The following ATP6V1H variants were observed in gnomAD, a reference collection of about 807,000 sequenced individuals.
ATP6V1H encodes the protein ATPase H+ transporting V1 subunit H, also known as V-type proton ATPase subunit H.
A neutral mutation model predicts 71.7 loss-of-function variants in ATP6V1H; 39 were observed. The ratio of observed to expected loss-of-function variants is 0.54; its 90% CI spans 0.42 to 0.71. ATP6V1H has a LOEUF of 0.71. Ranked by LOEUF, ATP6V1H falls within the 30% of genes least tolerant of loss-of-function variation. ATP6V1H has a pLI of 0.00. For synonymous variants in ATP6V1H, 192 were observed against 199.3 expected, an observed-to-expected ratio of 0.96 and a Z score of 0.31; for missense variants, 509 against 594.9, an observed-to-expected ratio of 0.86 and a Z score of 1.50.
In ATP6V1H at chr8:53,743,602, C is replaced by T. The variant is rs767664929; in HGVS notation, c.1366G>A (p.Val456Met). 6 of 1,613,814 alleles carry T rather than the reference C, an allele frequency of 3.7e-6. No individual in the cohort carries two copies. Among genetic ancestry groups the T allele is most frequent in the Non-Finnish European group, 5.1e-6 (6 of 1,179,856 alleles). The change falls in exon 13 of 14, where the codon GTG (valine) becomes ATG (methionine). Residue 456 changes from valine to methionine, a missense_variant. Coordinates refer to ENST00000359530, the MANE Select transcript of ATP6V1H (RefSeq NM_015941.4). ...QQVRYNALLA[V>M]QKLMVHNWEY... ...CAGTTGTGCACCATGAGCTTCTGCA[C>T]GGCCAGCAGAGCATTATAGCGGACC...
chr8:53,833,886 G>A (rs1435904185), intron 2 of ATP6V1H, among the ~76,000 whole-genome samples: 1 of 151,920 alleles, frequency 6.6e-6, no homozygotes, highest in Non-Finnish European at 1.5e-5. Context: ...ATATCCCACT[G>A]TCACTTTCCC....
At chr8:53,725,160 T>G (rs1806769131) in intron 13 of ATP6V1H, among the ~76,000 whole-genome samples, 1 of 152,186 alleles carries the variant, frequency 6.6e-6, no homozygotes, top group South Asian at 2.1e-4. Flanking sequence ...AGCTCTGCCC[T>G]CATGATCGGA....
intron 7 of ATP6V1H, among the ~76,000 whole-genome samples, chr8:53,810,228 C>A (rs1167157117): frequency 6.6e-6 from 1 of 152,162 alleles, no homozygotes; most frequent in Non-Finnish European, 1.5e-5. Flanking sequence ...TTTCTGTCTC[C>A]GTTTTCCCTA....
chr8:53,838,127 C>CTTTTTTTTTTT (rs11388813), intron 2 of ATP6V1H, among the ~76,000 whole-genome samples: 1 of 146,326 alleles, frequency 6.8e-6, no homozygotes, highest in Non-Finnish European at 1.5e-5. Flanking sequence ...CTGTTACTGT[C>CTTTTTTTTTTT]TTTTTTTTTT....
chr8:53,728,894 GTA>G (rs1806915383), intron 13 of ATP6V1H, among the ~76,000 whole-genome samples: 1 of 152,208 alleles, frequency 6.6e-6, no homozygotes, highest in Non-Finnish European at 1.5e-5. Flanking sequence ...GTCATTTTCT[GTA>G]CTTGTTGGTC....
Position 53,817,489 on chromosome 8 carries a change from T to A in ATP6V1H, c.348A>T (p.Arg116Ser). Residue 116 changes from arginine (R) to serine (S), a missense_variant, in exon 5 of 14, where the codon AGA (arginine) becomes AGT (serine). This residue lies in a region of ATP6V1H where 297 missense variants were observed against 303.3 expected (regional missense o/e 0.98). Transcript: ENST00000359530. ...AGGGCCACGCAGTGTTCTTGCTACA[T>A]CTTGCATAGTCAAAGAAAATGCTAA... The part of the protein sequence containing the change: ...QRVSIFFDYA[R>S]CSKNTAWPYF... 1.2e-6 allele frequency: 2 copies of A among 1,613,666 alleles called. No individual in the cohort carries two copies. Among genetic ancestry groups the A allele is most frequent in the South Asian group, 2.2e-5 (2 of 91,034 alleles).
At chr8:53,753,336 A>C (rs1001352158) in intron 12 of ATP6V1H, among the ~76,000 whole-genome samples, 3 of 152,228 alleles carry the variant, frequency 2.0e-5, no homozygotes, top group African/African-American at 7.2e-5. Context: ...CGGAGGATCG[A>C]CTGCAGCAGA....
intron 2 of ATP6V1H, among the ~76,000 whole-genome samples, chr8:53,834,478 T>G (rs1391590017): frequency 6.6e-6 from 1 of 152,204 alleles, no homozygotes; most frequent in Non-Finnish European, 1.5e-5. Context: ...CAGGCTGGAG[T>G]GCAGTGGCAC....
intron 7 of ATP6V1H, among the ~76,000 whole-genome samples, chr8:53,810,271 C>A: frequency 6.6e-6 from 1 of 152,216 alleles, no homozygotes; most frequent in East Asian, 1.9e-4. Context: ...TCATGAACAT[C>A]GTTAACTTGT....
intron 13 of ATP6V1H, among the ~76,000 whole-genome samples, chr8:53,738,356 A>G (rs1807302185): frequency 6.6e-6 from 1 of 152,126 alleles, no homozygotes; most frequent in Non-Finnish European, 1.5e-5. Context: ...GAAATGAAAT[A>G]TGCCAAGGGA....
At chr8:53,728,970 A>G (rs1391613478) in intron 13 of ATP6V1H, among the ~76,000 whole-genome samples, 1 of 152,224 alleles carries the variant, frequency 6.6e-6, no homozygotes. Flanking sequence ...CTAGAACAGG[A>G]CTGGACACAA....
chr8:53,725,252 G>A (rs1296120967), intron 13 of ATP6V1H, among the ~76,000 whole-genome samples: 1 of 152,048 alleles, frequency 6.6e-6, no homozygotes, highest in African/African-American at 2.4e-5. Context: ...AGAGAGACCT[G>A]AGCTAGCATG....
chr8:53,754,110 T>C (rs531332252), intron 12 of ATP6V1H, among the ~76,000 whole-genome samples: 1 of 152,164 alleles, frequency 6.6e-6, no homozygotes. Flanking sequence ...CATATGGCAG[T>C]AAGCACATCT....
At chr8:53,754,826 A>G (rs1807940797) in intron 12 of ATP6V1H, among the ~76,000 whole-genome samples, 1 of 152,164 alleles carries the variant, frequency 6.6e-6, no homozygotes, top group South Asian at 2.1e-4. Flanking sequence ...AAACCTTAGG[A>G]GTCTGAGTTC....
At chr8:53,801,758 C>T (rs374719193) in intron 8 of ATP6V1H, 41 bp downstream of exon 8, 2 of 1,462,404 alleles carry the variant, frequency 1.4e-6, no homozygotes, top group African/African-American at 1.4e-5. Flanking sequence ...AGGAGAGATG[C>T]TTGTAAATGT....
At position 53,833,015 on chromosome 8, in the gene ATP6V1H, T is replaced by C; in HGVS notation, c.185A>G (p.Lys62Arg). ...RFEMKRSPEE[K>R]QEMLQTEGSQ... ...GCCTTCAGTTTGAAGCATCTCTTGC[T>C]TCTCTTCAGGGCTTCGTTTCATTTC... The change falls in exon 3 of 14, where the codon AAG becomes AGG. Residue 62 changes from lysine to arginine, a missense_variant. Coordinates refer to ENST00000359530, the MANE Select transcript of ATP6V1H (RefSeq NM_015941.4). The C allele has an allele frequency of 6.2e-7, 1 of 1,613,824 alleles. No homozygotes were observed.
rs114225302 is a variant in ATP6V1H, at chr8:53,727,509, C to T, written c.1392-11485G>A. 2.8e-3 allele frequency among the ~76,000 whole-genome samples: 430 copies of T among 152,270 alleles called. 4 individuals carry two copies. The highest frequency in any genetic ancestry group is 8.1e-3 in the African/African-American group (338 of 41,552). On this transcript the variant is annotated intron_variant, in intron 13 of 13. Transcript: ENST00000359530. ...TCCATGGCAGCAGGTGGTTCTCAGC[C>T]TTTCTTGGATCACACAGCTCTTTGA...
chr8:53,819,308 G>C (rs1005678451), intron 4 of ATP6V1H, among the ~76,000 whole-genome samples: 2 of 151,572 alleles, frequency 1.3e-5, no homozygotes, highest in African/African-American at 4.8e-5. Context: ...GAGACAAGCA[G>C]ATCACTTGAG....
At chr8:53,839,717 C>A in intron 2 of ATP6V1H, 1 of 985,416 alleles carries the variant, frequency 1.0e-6, no homozygotes, top group Non-Finnish European at 1.2e-6. Context: ...ACACCTACAG[C>A]TCCTTGGAAA....
Sources: allele counts gnomAD v4.1 joint callset (sites outside exome capture counted in the v4.1 genomes callset), GRCh38; gene constraint gnomAD v4.1.1; regional missense constraint gnomAD v4.1.1; transcripts MANE v1.5; gene names NCBI Gene and HGNC (gene_info 2026-07-23, HGNC 2026-07-21).